The following SQOR variants were observed in gnomAD, a reference collection of about 807,000 sequenced individuals.
SQOR encodes sulfide:quinone oxidoreductase, mitochondrial.
SQOR carries 39 observed loss-of-function variants against 48.6 expected under a neutral mutation model. The ratio of observed to expected loss-of-function variants is 0.80; its 90% CI spans 0.62 to 1.05. SQOR has a LOEUF of 1.05. Among genes scored for constraint, SQOR ranks in the 50% least tolerant of loss-of-function variants. The pLI is 0.00. For synonymous variants in SQOR, 220 were observed against 206.2 expected, an observed-to-expected ratio of 1.07 and a Z score of -0.57; for missense variants, 561 against 559.9, an observed-to-expected ratio of 1.00 and a Z score of -0.02.
At chr15:45,658,204 C>T (rs1239101524) in intron 1 of SQOR, among the ~76,000 whole-genome samples, 1 of 152,100 alleles carries the variant, frequency 6.6e-6, no homozygotes, top group Non-Finnish European at 1.5e-5. Flanking sequence ...TTTATGATAC[C>T]AGGCAGGGCT....
At chr15:45,646,956 A>T (rs1439352036) in intron 1 of SQOR, among the ~76,000 whole-genome samples, 1 of 152,254 alleles carries the variant, frequency 6.6e-6, no homozygotes, top group Non-Finnish European at 1.5e-5. Flanking sequence ...CTGCCAAAAA[A>T]ACTTAATTTC....
chr15:45,650,225 C>T (rs1435857357), intron 1 of SQOR, among the ~76,000 whole-genome samples: 1 of 152,176 alleles, frequency 6.6e-6, no homozygotes, highest in African/African-American at 2.4e-5. Flanking sequence ...TTGCCACCTC[C>T]ACTTCCTGGG....
At chr15:45,631,347 G>T (rs111591264), upstream of SQOR, 1,121 of 152,528 alleles carry the variant, frequency 7.3e-3, 5 homozygotes, top group Non-Finnish European at 0.012. Context: ...CTGCCCTGTG[G>T]CTTGGCAGGA....
intron 3 of SQOR, among the ~76,000 whole-genome samples, chr15:45,666,249 C>G (rs1370105514): frequency 6.6e-6 from 1 of 152,180 alleles, no homozygotes; most frequent in Non-Finnish European, 1.5e-5. Flanking sequence ...CAGACTAGGT[C>G]AGGTTATCCC....
Position 45,675,110 on chromosome 15 carries a change from C to T in SQOR, c.655-991C>T, listed in dbSNP as rs147397447. On this transcript the variant is annotated intron_variant, in intron 5 of 9. Transcript: ENST00000260324. ...ACAGCCTTTTGAGACACTTACCCACCTGAATTCTTCAAATGGTGAGATCCG... is the reference window on the plus strand; with the variant it reads ...ACAGCCTTTTGAGACACTTACCCACTTGAATTCTTCAAATGGTGAGATCCG... Among the ~76,000 whole-genome samples, 298 of 152,204 alleles carry T rather than the reference C, an allele frequency of 2.0e-3. 1 individual carries two copies. In the Middle Eastern group the frequency reaches 0.02, roughly 10 times the overall value.
chr15:45,650,098 C>T (rs58203890), intron 1 of SQOR, among the ~76,000 whole-genome samples: 1 of 151,986 alleles, frequency 6.6e-6, no homozygotes, highest in Non-Finnish European at 1.5e-5. Flanking sequence ...CTGCCTCAGC[C>T]TCCCAAAGTG....
At position 45,691,027 on chromosome 15, in the gene SQOR, T is replaced by A. The variant is rs780139396; in HGVS notation, c.1350T>A (p.Ser450Arg). The stretch of plus-strand genomic sequence containing the variant: ...GCAAGTTGTTTCATCTAGGTATGAG[T>A]TAAGGATGGCTCAGCACTTGCTCAT... ...FLRKLFHLGMS is the reference protein window; with the variant it reads ...FLRKLFHLGMR The change falls in exon 10 of 10, where the codon AGT becomes AGA. Residue 450 changes from serine to arginine, a missense_variant. Coordinates refer to ENST00000260324, the MANE Select transcript of SQOR (RefSeq NM_021199.4). The A allele has an allele frequency of 7.4e-6, 12 of 1,613,998 alleles. No individual in the cohort carries two copies. The highest frequency in any genetic ancestry group is 1.1e-5 in the South Asian group (1 of 91,078).
intron 1 of SQOR, among the ~76,000 whole-genome samples, chr15:45,650,786 G>A (rs939421150): frequency 1.3e-5 from 2 of 152,120 alleles, no homozygotes; most frequent in Non-Finnish European, 2.9e-5. Flanking sequence ...GCTAGACACA[G>A]AGTGCTGATT....
upstream of SQOR, chr15:45,634,683 C>T (rs1195391962): frequency 2.0e-5 from 3 of 152,378 alleles, no homozygotes; most frequent in Non-Finnish European, 4.4e-5. Flanking sequence ...TGCACAGCGC[C>T]CCGCCTCCGC....
intron 1 of SQOR, among the ~76,000 whole-genome samples, chr15:45,653,008 T>G (rs623688): frequency 0.34 from 51,458 of 151,926 alleles, 9,114 homozygotes; most frequent in East Asian, 0.5. Flanking sequence ...TCCTTCAATT[T>G]TATCTTTCTC....
intron 1 of SQOR, among the ~76,000 whole-genome samples, chr15:45,650,965 T>G (rs1446897881): frequency 6.6e-6 from 1 of 152,192 alleles, no homozygotes; most frequent in African/African-American, 2.4e-5. Flanking sequence ...GTGGATCCCG[T>G]GCCAGAGCCG....
At chr15:45,639,352 A>G (rs1464658743) in intron 1 of SQOR, among the ~76,000 whole-genome samples, 1 of 152,252 alleles carries the variant, frequency 6.6e-6, no homozygotes, top group African/African-American at 2.4e-5. Flanking sequence ...TTGTAAATGT[A>G]TGGTGGGTGA....
intron 1 of SQOR, among the ~76,000 whole-genome samples, chr15:45,635,980 C>A (rs975806125): frequency 5.3e-5 from 8 of 152,060 alleles, no homozygotes; most frequent in African/African-American, 1.7e-4. Context: ...GGATTACAGG[C>A]GCAGCACACC....
At chr15:45,663,164 C>A (rs754917707) in intron 3 of SQOR, among the ~76,000 whole-genome samples, 1 of 152,052 alleles carries the variant, frequency 6.6e-6, no homozygotes, top group African/African-American at 2.4e-5. Flanking sequence ...ACTACAGGTG[C>A]GCATCACCAT....
intron 7 of SQOR, among the ~76,000 whole-genome samples, chr15:45,688,112 G>T (rs932682492): frequency 3.9e-5 from 6 of 152,112 alleles, no homozygotes; most frequent in Admixed American, 3.9e-4. Context: ...GGAGGGAGTC[G>T]GCTCTTTAGT....
At chr15:45,642,257 T>G (rs1299467220) in intron 1 of SQOR, among the ~76,000 whole-genome samples, 1 of 152,086 alleles carries the variant, frequency 6.6e-6, no homozygotes, top group African/African-American at 2.4e-5. Flanking sequence ...AGGTAACAAA[T>G]GAACAACATA....
intron 1 of SQOR, among the ~76,000 whole-genome samples, chr15:45,654,867 G>T (rs1172227786): frequency 6.6e-6 from 1 of 152,122 alleles, no homozygotes; most frequent in Non-Finnish European, 1.5e-5. Flanking sequence ...GTTTGATCAG[G>T]TATGATGTTT....
chr15:45,657,092 A>T (rs940953452), intron 1 of SQOR, among the ~76,000 whole-genome samples: 3 of 111,814 alleles, frequency 2.7e-5, no homozygotes, highest in Non-Finnish European at 5.7e-5. Flanking sequence ...ACCGGTGTGA[A>T]CCACCACGCC....
rs1438739415 is a variant in SQOR at position 45,670,116 on chromosome 15, C to T, written c.459+135C>T. ...AATCTCTTCTGGTTTTATTTCTTGG[C>T]AGTCCTTTTACAGTTTTAAGGAAGT... On this transcript the variant is annotated intron_variant, in intron 4 of 9. Coordinates refer to ENST00000260324, the MANE Select transcript of SQOR (RefSeq NM_021199.4). 7 of 804,294 alleles carry T rather than the reference C, an allele frequency of 8.7e-6. No homozygotes were observed. The East Asian group carries it at 1.7e-4, about 20-fold the overall frequency. The allele number at this position is 804,294 out of a possible 1,614,324, so 49.8% of individuals were successfully genotyped here. A position where few individuals can be genotyped will look rare whatever the true frequency, so the allele number is the denominator to read the frequency against.
Sources: allele counts gnomAD v4.1 joint callset (sites outside exome capture counted in the v4.1 genomes callset), GRCh38; gene constraint gnomAD v4.1.1; transcripts MANE v1.5; gene names NCBI Gene and HGNC (gene_info 2026-07-23, HGNC 2026-07-21).